PCOLCE2: variants seen among roughly 807,000 people sequenced by gnomAD.
PCOLCE2 encodes procollagen C-endopeptidase enhancer 2.
In PCOLCE2, 42 loss-of-function variants were observed where a neutral mutation model predicts 47.0. The observed-to-expected ratio is 0.89, with a 90% CI of 0.70 to 1.16. PCOLCE2 has a LOEUF of 1.16. PCOLCE2 is among the 50% of genes most tolerant of loss of function. PCOLCE2 has a pLI of 0.00. For missense variants in PCOLCE2, 500 were observed against 526.1 expected (o/e 0.95, Z 0.49); for synonymous variants, 169 against 191.7 (o/e 0.88, Z 0.98).
chr3:142,820,820 A>G lies in PCOLCE2; in HGVS notation c.1117+58T>C, dbSNP rs1937004196. ...GCCCTGATTTTACTTCCCTAGACCA[A>G]CCATGGCATGGAAAATCCATGGCTT... On this transcript the variant is annotated intron_variant, in intron 8 of 8. Coordinates refer to ENST00000295992, the MANE Select transcript of PCOLCE2 (RefSeq NM_013363.4). The G allele has an allele frequency of 4.1e-6, 6 of 1,480,452 alleles. No individual in the cohort carries two copies. In the South Asian group the frequency reaches 6.0e-5, roughly 15 times the overall value. The allele number at this position is 1,480,452 out of a possible 1,614,324, so 91.7% of individuals were successfully genotyped here. A position where few individuals can be genotyped will look rare whatever the true frequency, so the allele number is the denominator to read the frequency against.
chr3:142,856,463 C>T (rs1000887914), intron 2 of PCOLCE2, among the ~76,000 whole-genome samples: 6 of 152,200 alleles, frequency 3.9e-5, no homozygotes, highest in Non-Finnish European at 8.8e-5. Context: ...CAGGTTATGC[C>T]TCTTGTGCAA....
chr3:142,840,009 T>A (rs1240413310), intron 4 of PCOLCE2, among the ~76,000 whole-genome samples: 4 of 152,068 alleles, frequency 2.6e-5, no homozygotes, highest in Admixed American at 6.5e-5. Flanking sequence ...GTGAGCTGAG[T>A]GGATAGAGTT....
intron 5 of PCOLCE2, among the ~76,000 whole-genome samples, chr3:142,834,524 T>C (rs967888089): frequency 1.3e-5 from 2 of 152,206 alleles, no homozygotes; most frequent in Non-Finnish European, 2.9e-5. Context: ...TTTTTCAAAA[T>C]GTAAACTTTT....
At position 142,829,832 on chromosome 3, in the gene PCOLCE2, T is replaced by C; in HGVS notation, c.725A>G (p.Glu242Gly). 6.3e-7 allele frequency: 1 copy of C among 1,583,398 alleles called. No homozygotes were observed. Among genetic ancestry groups the C allele is most frequent in the Non-Finnish European group, 8.6e-7 (1 of 1,161,198 alleles). Residue 242 changes from glutamate to glycine, a missense_variant, in exon 6 of 9, where the codon GAG becomes GGG. Transcript: ENST00000295992. The part of the protein sequence containing the change: ...GDSPPAPIVS[E>G]RNELLIQFLS... ...AAACTGAATAAGAAGTTCATTTCTC[T>C]CAGACACAATTGGCCTAAAAAAAGA...
chr3:142,844,405 T>C (rs542758327), intron 3 of PCOLCE2, among the ~76,000 whole-genome samples: 1 of 152,320 alleles, frequency 6.6e-6, no homozygotes, highest in South Asian at 2.1e-4. Context: ...TGTATCTTCA[T>C]TTCTCTTATA....
intron 2 of PCOLCE2, among the ~76,000 whole-genome samples, chr3:142,878,832 T>C: frequency 6.6e-6 from 1 of 151,138 alleles, no homozygotes; most frequent in Non-Finnish European, 1.5e-5. Context: ...CCAGACTGGG[T>C]GAAAAGTGAG....
At chr3:142,820,574 C>A (rs1560128078) in intron 8 of PCOLCE2, among the ~76,000 whole-genome samples, 1 of 152,104 alleles carries the variant, frequency 6.6e-6, no homozygotes, top group Non-Finnish European at 1.5e-5. Context: ...TTCTTTAAAC[C>A]TAGACAGTAC....
intron 2 of PCOLCE2, among the ~76,000 whole-genome samples, chr3:142,851,786 T>C (rs1168254588): frequency 6.6e-6 from 1 of 152,140 alleles, no homozygotes; most frequent in Admixed American, 6.5e-5. Context: ...GATTATTTCA[T>C]CAAGGAGAGG....
intron 2 of PCOLCE2, among the ~76,000 whole-genome samples, chr3:142,856,085 A>G (rs1177592671): frequency 6.6e-6 from 1 of 152,166 alleles, no homozygotes; most frequent in Non-Finnish European, 1.5e-5. Flanking sequence ...CAACAGTGTG[A>G]CGTGGCCACC....
At chr3:142,866,683 C>T (rs1933287988) in intron 2 of PCOLCE2, among the ~76,000 whole-genome samples, 1 of 152,066 alleles carries the variant, frequency 6.6e-6, no homozygotes, top group African/African-American at 2.4e-5. Flanking sequence ...AAATTATAAG[C>T]TTCTACAAAA....
intron 2 of PCOLCE2, among the ~76,000 whole-genome samples, chr3:142,858,188 C>T (rs1933106411): frequency 6.6e-6 from 1 of 152,206 alleles, no homozygotes; most frequent in Non-Finnish European, 1.5e-5. Context: ...TTGGTGCCTC[C>T]TCGGCATCCA....
At chr3:142,871,183 G>A (rs1040365678) in intron 2 of PCOLCE2, among the ~76,000 whole-genome samples, 1 of 151,822 alleles carries the variant, frequency 6.6e-6, no homozygotes, top group Non-Finnish European at 1.5e-5. Context: ...ATTTTTATTG[G>A]CTCTATTTTA....
In PCOLCE2 at chr3:142,842,793, G is replaced by T; in HGVS notation, c.573+131C>A. On this transcript the variant is annotated intron_variant, in intron 4 of 8. Coordinates refer to ENST00000295992, the MANE Select transcript of PCOLCE2 (RefSeq NM_013363.4). This position sits in a 1 kb window ranked among gnomAD's most constrained non-coding sequence, Gnocchi z 4.1. ...CGCATGAAGAAATACCTGTGTCCAG[G>T]AACCTTCCTCTTCTTGTATCCCTTA... is the stretch of plus-strand genomic sequence containing the variant. The T allele has an allele frequency of 1.2e-6, 1 of 843,522 alleles. No individual in the cohort carries two copies. The highest frequency in any genetic ancestry group is 1.9e-6 in the Non-Finnish European group (1 of 529,376). 52.3% of individuals were successfully genotyped at this position (843,522 alleles called of 1,614,324 possible). A position where few individuals can be genotyped will look rare whatever the true frequency, so the allele number is the denominator to read the frequency against.
chr3:142,857,234 G>C (rs1578042638), intron 2 of PCOLCE2, among the ~76,000 whole-genome samples: 1 of 152,328 alleles, frequency 6.6e-6, no homozygotes, highest in East Asian at 1.9e-4. Flanking sequence ...CAAATGCTTG[G>C]AGACTGGAAG....
At chr3:142,818,949 G>T (rs1410316208) in intron 8 of PCOLCE2, among the ~76,000 whole-genome samples, 1 of 152,214 alleles carries the variant, frequency 6.6e-6, no homozygotes, top group Non-Finnish European at 1.5e-5. Context: ...TCCTCGAGGG[G>T]CCTCCAGGGC....
intron 2 of PCOLCE2, among the ~76,000 whole-genome samples, chr3:142,860,710 T>C (rs1410000327): frequency 2.6e-5 from 4 of 152,250 alleles, no homozygotes; most frequent in Admixed American, 6.5e-5. Context: ...TCCCGGCCCA[T>C]GCCTTGTTCT....
At position 142,832,797 on chromosome 3, in the gene PCOLCE2, G is replaced by A. The variant is rs139748964; in HGVS notation, c.711-2951C>T. Among the ~76,000 whole-genome samples the A allele has an allele frequency of 4.4e-3, 668 of 152,322 alleles. 4 individuals carry two copies. Among genetic ancestry groups the A allele is most frequent in the Non-Finnish European group, 7.5e-3 (511 of 68,018 alleles). ...TGAATCAAACCAAGTATGATGGGGT[G>A]CTGTCTACCTATCCCCAGTGCTCCT... On this transcript the variant is annotated intron_variant, in intron 5 of 8. Coordinates refer to ENST00000295992, the MANE Select transcript of PCOLCE2 (RefSeq NM_013363.4).
chr3:142,837,324 A>G (rs1037945168), intron 5 of PCOLCE2, among the ~76,000 whole-genome samples: 4 of 152,256 alleles, frequency 2.6e-5, no homozygotes, highest in Non-Finnish European at 4.4e-5. Context: ...AATTTGTTAC[A>G]GCAGCAATGG....
At chr3:142,882,045 C>T (rs145609024) in intron 2 of PCOLCE2, among the ~76,000 whole-genome samples, 5 of 152,156 alleles carry the variant, frequency 3.3e-5, no homozygotes, top group Non-Finnish European at 7.4e-5. Flanking sequence ...TCATCATCAT[C>T]ATCAGACAGG....
Sources: allele counts gnomAD v4.1 joint callset (sites outside exome capture counted in the v4.1 genomes callset), GRCh38; gene constraint gnomAD v4.1.1; non-coding constraint Gnocchi (gnomAD v3.1); transcripts MANE v1.5; gene names NCBI Gene and HGNC (gene_info 2026-07-23, HGNC 2026-07-21).